The following FMN2 variants were observed in gnomAD, a reference collection of about 807,000 sequenced individuals.
FMN2 encodes the protein formin 2.
A neutral mutation model predicts 142.3 loss-of-function variants in FMN2; 51 were observed. The observed-to-expected ratio is 0.36, with a 90% CI of 0.29 to 0.45. The LOEUF is 0.45. Ranked by LOEUF, FMN2 falls within the 20% of genes least tolerant of loss-of-function variation. The pLI is 1.00. For missense variants in FMN2, 1,936 were observed against 2,122.8 expected (o/e 0.91, Z 1.73); for synonymous variants, 882 against 869.8 (o/e 1.01, Z -0.25).
intron 2 of FMN2, among the ~76,000 whole-genome samples, chr1:240,159,909 A>ATATATATATATATATATATCTGTG (rs1664193592): frequency 3.8e-5 from 3 of 78,242 alleles, no homozygotes; most frequent in African/African-American, 2.4e-4. Flanking sequence ...ATCTGTGTAT[A>ATATATATATATATATATATCTGTG]TATATATATA....
At chr1:240,248,097 CT>C (rs1053764279) in intron 6 of FMN2, among the ~76,000 whole-genome samples, 2 of 151,966 alleles carry the variant, frequency 1.3e-5, no homozygotes, top group Non-Finnish European at 2.9e-5. Context: ...TCACCTCCCC[CT>C]CCACCACCCA....
chr1:240,233,391 G>GAA (rs61268991), intron 6 of FMN2, among the ~76,000 whole-genome samples: 1 of 116,654 alleles, frequency 8.6e-6, no homozygotes, highest in African/African-American at 2.8e-5. Context: ...TCTCAAAAAA[G>GAA]AAAAAAAAAA....
intron 14 of FMN2, among the ~76,000 whole-genome samples, chr1:240,372,780 G>A (rs963984010): frequency 1.3e-4 from 20 of 151,818 alleles, no homozygotes; most frequent in Admixed American, 6.6e-5. Context: ...CATTTTGGGG[G>A]TTCCCAGTGC....
intron 2 of FMN2, among the ~76,000 whole-genome samples, chr1:240,177,312 G>T (rs1181361904): frequency 2.0e-5 from 3 of 151,358 alleles, no homozygotes; most frequent in African/African-American, 4.9e-5. Context: ...AGATTCTGTT[G>T]GTCTGTAGCT....
intron 1 of FMN2, among the ~76,000 whole-genome samples, chr1:240,115,837 C>A (rs1662000513): frequency 6.6e-6 from 1 of 152,086 alleles, no homozygotes; most frequent in Non-Finnish European, 1.5e-5. Flanking sequence ...GCGGAGCAGC[C>A]CTGAGGGCTT....
intron 16 of FMN2, among the ~76,000 whole-genome samples, chr1:240,455,975 AAATAAT>A (rs140323437): frequency 0.062 from 9,259 of 148,966 alleles, 351 homozygotes; most frequent in Middle Eastern, 0.14. Flanking sequence ...ACTGTCTCAA[AAATAAT>A]AATAATAATA....
chr1:240,473,280 C>G lies in FMN2; in HGVS notation c.5142+827C>G, dbSNP rs1676870804. On this transcript the variant is annotated intron_variant, in intron 17 of 17. Transcript: ENST00000319653. This position sits in a 1 kb window ranked among gnomAD's most constrained non-coding sequence, Gnocchi z 4.3. Reference sequence around the variant, plus strand: ...GAGTTTAACAAGCTCATTTAAGTTTCCTGCTTGCCCACTCCCCGCTTTAAA... The same window carrying G: ...GAGTTTAACAAGCTCATTTAAGTTTGCTGCTTGCCCACTCCCCGCTTTAAA... Among the ~76,000 whole-genome samples the G allele has an allele frequency of 6.6e-6, 1 of 152,154 alleles. No individual in the cohort carries two copies. Among genetic ancestry groups the G allele is most frequent in the South Asian group, 2.1e-4 (1 of 4,828 alleles).
At chr1:240,125,404 A>G (rs1035337543) in intron 2 of FMN2, among the ~76,000 whole-genome samples, 1 of 152,208 alleles carries the variant, frequency 6.6e-6, no homozygotes, top group Admixed American at 6.5e-5. Flanking sequence ...GGGAAAAAAT[A>G]TATAACTTAA....
intron 14 of FMN2, among the ~76,000 whole-genome samples, chr1:240,381,406 A>G (rs1416480534): frequency 6.6e-6 from 1 of 152,082 alleles, no homozygotes; most frequent in Non-Finnish European, 1.5e-5. Context: ...TTACCACACA[A>G]AGAGATTTAA....
intron 7 of FMN2, among the ~76,000 whole-genome samples, chr1:240,280,470 T>C (rs987300388): frequency 6.6e-6 from 1 of 152,170 alleles, no homozygotes; most frequent in East Asian, 1.9e-4. Flanking sequence ...CAAAATAAAG[T>C]TTATCACTGT....
chr1:240,389,247 A>C (rs1673523688), intron 14 of FMN2, among the ~76,000 whole-genome samples: 1 of 152,228 alleles, frequency 6.6e-6, no homozygotes, highest in African/African-American at 2.4e-5. Flanking sequence ...AAAACTCTGC[A>C]AAACCATTTA....
chr1:240,259,897 C>T (rs543455096), intron 7 of FMN2, among the ~76,000 whole-genome samples: 4 of 152,248 alleles, frequency 2.6e-5, no homozygotes, highest in African/African-American at 9.6e-5. Flanking sequence ...TTATTCCTCA[C>T]CCCCTCCCAC....
chr1:240,101,124 C>T (rs768438579), intron 1 of FMN2, among the ~76,000 whole-genome samples: 7 of 152,168 alleles, frequency 4.6e-5, no homozygotes, highest in Admixed American at 2.0e-4. Context: ...GTTTTACCAC[C>T]AGCTTCCTAT....
intron 13 of FMN2, among the ~76,000 whole-genome samples, chr1:240,340,108 G>T (rs941810029): frequency 6.6e-6 from 1 of 151,884 alleles, no homozygotes; most frequent in Non-Finnish European, 1.5e-5. Flanking sequence ...TTTCTTTTCA[G>T]TTTTTTTCCA....
chr1:240,474,742 CTT>C lies in FMN2; in HGVS notation c.*589_*590del, dbSNP rs1365828267. ...TTTTTTTACTGAAGTCATATAATGA[CTT>C]GGGTCAGCTCGTAATGCATTGTGAT... On this transcript the variant is annotated 3_prime_UTR_variant, in exon 18 of 18. Transcript: ENST00000319653. The C allele has an allele frequency of 3.3e-5, 5 of 152,326 alleles. No individual in the cohort carries two copies. The highest frequency in any genetic ancestry group is 7.4e-5 in the Non-Finnish European group (5 of 67,988). The allele number at this position is 152,326 out of a possible 1,614,324, so 9.4% of individuals were successfully genotyped here.
chr1:240,436,342 A>G lies in FMN2; in HGVS notation c.4911-1719A>G, dbSNP rs368544930. Among the ~76,000 whole-genome samples, 134 of 152,324 alleles carry G rather than the reference A, an allele frequency of 8.8e-4. 3 individuals are homozygous for G. The South Asian group carries it at 0.027, about 31-fold the overall frequency. ...TGTCGTCTCTGCCTAGAGCTTAAAA[A>G]GCTGATATCCTGGGAATCTTGCTGC... is the stretch of plus-strand genomic sequence containing the variant. On this transcript the variant is annotated intron_variant, in intron 15 of 17. Transcript: ENST00000319653.
chr1:240,359,945 A>G (rs961280896), intron 14 of FMN2, among the ~76,000 whole-genome samples: 8 of 152,206 alleles, frequency 5.3e-5, no homozygotes, highest in Non-Finnish European at 1.0e-4. Context: ...ACAGTATAGC[A>G]TACACTGTCT....
chr1:240,431,441 T>C (rs891166946), intron 15 of FMN2, among the ~76,000 whole-genome samples: 2 of 148,888 alleles, frequency 1.3e-5, no homozygotes, highest in Non-Finnish European at 3.0e-5. Flanking sequence ...TATACACACA[T>C]ATATATGTTT....
intron 3 of FMN2, among the ~76,000 whole-genome samples, chr1:240,187,162 C>T (rs1196465415): frequency 6.2e-5 from 9 of 144,132 alleles, no homozygotes; most frequent in African/African-American, 1.8e-4. Context: ...CCCAGCTATT[C>T]GGGAGGCTGA....
Sources: allele counts gnomAD v4.1 joint callset (sites outside exome capture counted in the v4.1 genomes callset), GRCh38; gene constraint gnomAD v4.1.1; non-coding constraint Gnocchi (gnomAD v3.1); transcripts MANE v1.5; gene names NCBI Gene and HGNC (gene_info 2026-07-23, HGNC 2026-07-21).